The following SPIDR variants were observed in gnomAD, a reference collection of about 807,000 sequenced individuals.
SPIDR encodes DNA repair-scaffolding protein.
SPIDR carries 93 observed loss-of-function variants against 104.6 expected under a neutral mutation model. That is an observed-to-expected ratio of 0.89 (90% CI 0.75 to 1.06). SPIDR has a LOEUF of 1.06. SPIDR is among the 50% of genes least tolerant of loss of function. The probability of loss-of-function intolerance (pLI) is 0.00; values close to 1 mark genes in which losing one functional copy is unlikely to be tolerated. For missense variants in SPIDR, 1,154 were observed against 1,111.2 expected, an observed-to-expected ratio of 1.04 and a Z score of -0.55; for synonymous variants, 431 against 416.9, an observed-to-expected ratio of 1.03 and a Z score of -0.41.
intron 10 of SPIDR, among the ~76,000 whole-genome samples, chr8:47,651,963 T>C (rs911431519): frequency 9.3e-5 from 14 of 150,160 alleles, no homozygotes; most frequent in African/African-American, 3.4e-4. Context: ...TGGGGGAGAG[T>C]GGGAGAGGGT....
intron 5 of SPIDR, among the ~76,000 whole-genome samples, chr8:47,318,994 C>T (rs1286703585): frequency 1.3e-5 from 2 of 150,456 alleles, no homozygotes; most frequent in Non-Finnish European, 3.0e-5. Context: ...AAAAACATGC[C>T]AAACTGCAAA....
chr8:47,582,267 A>G (rs1031182766), intron 8 of SPIDR, among the ~76,000 whole-genome samples: 2 of 152,010 alleles, frequency 1.3e-5, no homozygotes, highest in Non-Finnish European at 2.9e-5. Context: ...ATAGTAATCT[A>G]CATGTTAGTT....
At chr8:47,342,660 T>A (rs2051014103) in intron 5 of SPIDR, among the ~76,000 whole-genome samples, 1 of 152,126 alleles carries the variant, frequency 6.6e-6, no homozygotes, top group South Asian at 2.1e-4. Context: ...TTTTTATATT[T>A]ATAAAGGTAG....
chr8:47,313,038 A>T, intron 5 of SPIDR, among the ~76,000 whole-genome samples: 1 of 152,186 alleles, frequency 6.6e-6, no homozygotes, highest in East Asian at 1.9e-4. Flanking sequence ...CCTATTCAAC[A>T]TAGTGTTGGA....
chr8:47,694,488 G>T (rs1221688293), intron 11 of SPIDR, among the ~76,000 whole-genome samples: 1 of 152,146 alleles, frequency 6.6e-6, no homozygotes, highest in African/African-American at 2.4e-5. Context: ...ATGAGGACTG[G>T]CCAGGCATGA....
chr8:47,475,773 G>A (rs1489847472), intron 8 of SPIDR, among the ~76,000 whole-genome samples: 1 of 152,138 alleles, frequency 6.6e-6, no homozygotes, highest in Non-Finnish European at 1.5e-5. Context: ...GAAGTAAATG[G>A]TTAAGGTTTC....
intron 7 of SPIDR, among the ~76,000 whole-genome samples, chr8:47,410,168 CTTTT>C (rs1245237202): frequency 6.6e-6 from 1 of 151,552 alleles, no homozygotes; most frequent in East Asian, 1.9e-4. Flanking sequence ...AATACTTTTT[CTTTT>C]TTTATTTTAT....
chr8:47,466,878 G>GT (rs1339176235), intron 8 of SPIDR, among the ~76,000 whole-genome samples: 11 of 78,252 alleles, frequency 1.4e-4, no homozygotes, highest in South Asian at 3.9e-4. Context: ...CTAGGAGTTA[G>GT]TTTTTTTTGA....
intron 8 of SPIDR, among the ~76,000 whole-genome samples, chr8:47,565,111 T>G (rs1229343084): frequency 2.6e-5 from 4 of 152,198 alleles, no homozygotes; most frequent in Non-Finnish European, 5.9e-5. Flanking sequence ...CTGGGTGTGG[T>G]GGCACATGCC....
At chr8:47,404,826 C>T (rs1554666259) in intron 6 of SPIDR, among the ~76,000 whole-genome samples, 1 of 152,124 alleles carries the variant, frequency 6.6e-6, no homozygotes, top group Non-Finnish European at 1.5e-5. Flanking sequence ...CTAGAAATAC[C>T]ATTTGACCCA....
intron 5 of SPIDR, among the ~76,000 whole-genome samples, chr8:47,328,011 G>GT (rs2047989052): frequency 1.4e-5 from 2 of 146,046 alleles, no homozygotes; most frequent in South Asian, 4.5e-4. Context: ...TTTTTTTTTT[G>GT]GTTTTTTTTT....
At chr8:47,537,635 CATT>C (rs1190864808) in intron 8 of SPIDR, among the ~76,000 whole-genome samples, 8 of 152,250 alleles carry the variant, frequency 5.3e-5, no homozygotes, top group Middle Eastern at 6.8e-3. Flanking sequence ...GGACACGTGT[CATT>C]ATGCATTTGC....
chr8:47,512,019 A>G lies in SPIDR; in HGVS notation c.1097+71477A>G, dbSNP rs1044778318. 1.9e-5 allele frequency: 14 copies of G among 749,928 alleles called. No homozygotes were observed. The African/African-American group carries it at 2.4e-4, about 13-fold the overall frequency. The allele number at this position is 749,928 out of a possible 1,614,324, so 46.5% of individuals were successfully genotyped here. On this transcript the variant is annotated intron_variant, in intron 8 of 19. Transcript: ENST00000297423. ...TGATGTCTTCTTCCCCTCTGTCCTC[A>G]TAAAAGCTCGCTAGCGCAATCTGCA...
intron 5 of SPIDR, among the ~76,000 whole-genome samples, chr8:47,394,862 A>C (rs1215712283): frequency 6.6e-6 from 1 of 152,162 alleles, no homozygotes; most frequent in Non-Finnish European, 1.5e-5. Context: ...AATGGTTACT[A>C]ATGGGTTAAC....
intron 5 of SPIDR, among the ~76,000 whole-genome samples, chr8:47,351,475 G>A (rs2053499608): frequency 6.6e-6 from 1 of 152,176 alleles, no homozygotes; most frequent in South Asian, 2.1e-4. Context: ...AAACAGGTGT[G>A]TTTAATACTC....
intron 5 of SPIDR, among the ~76,000 whole-genome samples, chr8:47,323,429 T>C (rs1318642186): frequency 6.6e-6 from 1 of 152,182 alleles, no homozygotes; most frequent in Non-Finnish European, 1.5e-5. Flanking sequence ...CAATTGATAA[T>C]GAAATTTTTT....
chr8:47,489,405 A>G (rs1297376293), intron 8 of SPIDR, among the ~76,000 whole-genome samples: 4 of 152,238 alleles, frequency 2.6e-5, no homozygotes, highest in African/African-American at 9.6e-5. Context: ...AAGAATCAAT[A>G]TTGGGAAAAT....
chr8:47,729,395 T>C lies in SPIDR; in HGVS notation c.2551-17T>C, dbSNP rs770337822. On this transcript the variant is annotated splice_polypyrimidine_tract_variant and intron_variant, in intron 18 of 19. Transcript: ENST00000297423. ...TGTTGGAGGGAGTTTAACCCAGCCC[T>C]GCTTCTGCTGTTGCAGCTGTTGCAG... 6.3e-7 allele frequency: 1 copy of C among 1,582,548 alleles called. No homozygotes were observed. The highest frequency in any genetic ancestry group is 2.3e-5 in the East Asian group (1 of 43,936).
At chr8:47,684,227 A>G (rs2077465020) in intron 11 of SPIDR, among the ~76,000 whole-genome samples, 2 of 150,916 alleles carry the variant, frequency 1.3e-5, no homozygotes, top group African/African-American at 4.9e-5. Context: ...CAAATTTTTT[A>G]GAAGTGTTCT....
Sources: allele counts gnomAD v4.1 joint callset (sites outside exome capture counted in the v4.1 genomes callset), GRCh38; gene constraint gnomAD v4.1.1; transcripts MANE v1.5; gene names NCBI Gene and HGNC (gene_info 2026-07-23, HGNC 2026-07-21).